SGK2: variants seen among roughly 807,000 people sequenced by gnomAD.
SGK2 encodes the protein serine/threonine-protein kinase Sgk2.
SGK2 carries 36 observed loss-of-function variants against 47.5 expected under a neutral mutation model. That is an observed-to-expected ratio of 0.76 (90% CI 0.58 to 1.00). SGK2 has a LOEUF of 1.00. Ranked by LOEUF, SGK2 falls within the 50% of genes least tolerant of loss-of-function variation. The pLI, the probability that SGK2 is intolerant of heterozygous loss-of-function variation, is 0.00. For missense variants in SGK2, 404 were observed against 467.4 expected (o/e 0.86, Z 1.25); for synonymous variants, 157 against 181.9 (o/e 0.86, Z 1.10).
chr20:43,566,365 G>A, intron 1 of SGK2, 108 bp from the exon 2 acceptor site: 4 of 1,613,986 alleles, frequency 2.5e-6, no homozygotes, highest in Non-Finnish European at 3.4e-6. Flanking sequence ...GGTGGCAGGT[G>A]CACAGGTAGG....
intron 11 of SGK2, among the ~76,000 whole-genome samples, chr20:43,579,671 T>G (rs1473851394): frequency 6.6e-6 from 1 of 152,158 alleles, no homozygotes; most frequent in Non-Finnish European, 1.5e-5. Context: ...CCAGAGCAGA[T>G]TCTGATGTAT....
In SGK2 at chr20:43,559,043, G is replaced by T. The variant is rs539288289; in HGVS notation, c.-140G>T. The T allele has an allele frequency of 6.6e-6, 1 of 152,342 alleles. No homozygotes were observed. Among genetic ancestry groups the T allele is most frequent in the African/African-American group, 2.4e-5 (1 of 41,444 alleles). 9.4% of individuals were successfully genotyped at this position (152,342 alleles called of 1,614,324 possible). A position where few individuals can be genotyped will look rare whatever the true frequency, so the allele number is the denominator to read the frequency against. On this transcript the variant is annotated 5_prime_UTR_variant, in exon 1 of 13. Transcript: ENST00000373100. ...TGACAGGTCATTCCTGACTGGGAAGGTTGCTTGACAAGTCAGGATTGTGCC... is the reference window on the plus strand; with the variant it reads ...TGACAGGTCATTCCTGACTGGGAAGTTTGCTTGACAAGTCAGGATTGTGCC...
chr20:43,567,178 G>C (rs1476261456), intron 3 of SGK2, 61 bp downstream of exon 3: 7 of 1,372,202 alleles, frequency 5.1e-6, no homozygotes, highest in Non-Finnish European at 7.3e-6. Flanking sequence ...GGCTCCCCTT[G>C]CCTTGGGAAT....
intron 10 of SGK2, 81 bp downstream of exon 10, chr20:43,575,085 C>T: frequency 1.1e-6 from 1 of 883,522 alleles, no homozygotes; most frequent in Non-Finnish European, 1.9e-6. Context: ...AAGCTCTGTC[C>T]AGGAAAATGA....
chr20:43,559,426 C>T (rs1203436192), intron 1 of SGK2, among the ~76,000 whole-genome samples: 1 of 152,212 alleles, frequency 6.6e-6, no homozygotes, highest in Admixed American at 6.5e-5. Flanking sequence ...CCTTTTCTAG[C>T]TTTCTATTGT....
intron 10 of SGK2, among the ~76,000 whole-genome samples, chr20:43,575,324 G>A (rs898615098): frequency 1.3e-5 from 2 of 151,852 alleles, no homozygotes; most frequent in Non-Finnish European, 2.9e-5. Flanking sequence ...TTAGCTGGGC[G>A]TGGTGGCGGG....
intron 12 of SGK2, among the ~76,000 whole-genome samples, chr20:43,584,134 G>A (rs1286249787): frequency 7.9e-5 from 12 of 152,114 alleles, no homozygotes; most frequent in Non-Finnish European, 2.9e-5. Context: ...GGCAGCCAGG[G>A]CAACTGAGTT....
At chr20:43,576,016 T>G (rs1232929548) in intron 10 of SGK2, among the ~76,000 whole-genome samples, 1 of 152,182 alleles carries the variant, frequency 6.6e-6, no homozygotes, top group Non-Finnish European at 1.5e-5. Context: ...GGCCTCACGC[T>G]GGTGGGAAGA....
At chr20:43,576,155 T>C in intron 10 of SGK2, 69 bp from the exon 11 acceptor site, 2 of 1,578,088 alleles carry the variant, frequency 1.3e-6, no homozygotes, top group Non-Finnish European at 1.7e-6. Flanking sequence ...CCCACCTTGC[T>C]CCAAGTCTCC....
At chr20:43,576,134 C>G (rs1312939812) in intron 10 of SGK2, 90 bp from the exon 11 acceptor site, 32 of 1,495,122 alleles carry the variant, frequency 2.1e-5, no homozygotes, top group Non-Finnish European at 2.9e-5. Context: ...CATACTGAAT[C>G]CTCCCAGCCG....
chr20:43,569,603 GA>G, intron 6 of SGK2, 87 bp downstream of exon 6: 1 of 1,485,124 alleles, frequency 6.7e-7, no homozygotes, highest in South Asian at 1.2e-5. Context: ...CCAAGTTCTG[GA>G]ATGATCTCAC....
At chr20:43,575,357 G>T (rs1390615736) in intron 10 of SGK2, among the ~76,000 whole-genome samples, 1 of 150,378 alleles carries the variant, frequency 6.6e-6, no homozygotes, top group Admixed American at 6.7e-5. Context: ...CAGTTATTCG[G>T]CAGGCTAAGG....
intron 2 of SGK2, 36 bp from the exon 3 acceptor site, chr20:43,567,032 T>C (rs1979774079): frequency 1.3e-6 from 2 of 1,583,454 alleles, no homozygotes; most frequent in Admixed American, 3.3e-5. Flanking sequence ...AGCCAAGGAG[T>C]AGGGATCTGC....
At chr20:43,582,218 C>T (rs541077213) in intron 12 of SGK2, among the ~76,000 whole-genome samples, 190 of 151,366 alleles carry the variant, frequency 1.3e-3, no homozygotes, top group Non-Finnish European at 1.9e-3. Flanking sequence ...TGCCACCACA[C>T]CTAGCTAATT....
At chr20:43,581,685 C>T (rs533877968) in intron 12 of SGK2, among the ~76,000 whole-genome samples, 3 of 152,286 alleles carry the variant, frequency 2.0e-5, no homozygotes, top group Non-Finnish European at 4.4e-5. Context: ...TGCGCCACCA[C>T]GCCTGGCTAA....
At chr20:43,576,128 C>A in intron 10 of SGK2, 96 bp from the exon 11 acceptor site, 1 of 1,455,644 alleles carries the variant, frequency 6.9e-7, no homozygotes, top group Non-Finnish European at 9.5e-7. Flanking sequence ...AGGGGTCATA[C>A]TGAATCCTCC....
intron 12 of SGK2, 90 bp downstream of exon 12, chr20:43,580,151 T>TG (rs1980702705): frequency 5.1e-6 from 4 of 789,392 alleles, no homozygotes; most frequent in Non-Finnish European, 8.2e-6. Context: ...ATGGAAAACT[T>TG]GGGGGTCCAA....
At position 43,580,621 on chromosome 20, in the gene SGK2, G is replaced by A. The variant is rs954981881; in HGVS notation, c.939+560G>A. Reference sequence around the variant, plus strand: ...TGCACACCTGTAATCCCTGCTACTCGGGAGGCTGAGGTGGGAGAATAGCTT... The same window carrying A: ...TGCACACCTGTAATCCCTGCTACTCAGGAGGCTGAGGTGGGAGAATAGCTT... On this transcript the variant is annotated intron_variant, in intron 12 of 12. Transcript: ENST00000373100. Among the ~76,000 whole-genome samples the A allele has an allele frequency of 9.3e-5, 14 of 151,220 alleles. No homozygotes were observed. The South Asian group carries it at 2.5e-3, about 27-fold the overall frequency.
In SGK2 at chr20:43,583,580, GC is replaced by G. The variant is rs1980928520; in HGVS notation, c.940-1271del. 10 of 985,378 alleles carry G rather than the reference GC, an allele frequency of 1.0e-5. No homozygotes were observed. In the South Asian group the frequency reaches 2.8e-4, roughly 28 times the overall value. 61.0% of individuals were successfully genotyped at this position (985,378 alleles called of 1,614,324 possible). A position where few individuals can be genotyped will look rare whatever the true frequency, so the allele number is the denominator to read the frequency against. On this transcript the variant is annotated intron_variant, in intron 12 of 12. Coordinates refer to ENST00000373100, the MANE Select transcript of SGK2 (RefSeq NM_170693.3). Reference sequence around the variant, plus strand: ...TGCAAGCCCTTCCCCTTCCTCACCTGCTTACTTCATAAAACCCAGGCCTCCT... The same window carrying G: ...TGCAAGCCCTTCCCCTTCCTCACCTGTTACTTCATAAAACCCAGGCCTCCT...
Sources: allele counts gnomAD v4.1 joint callset (sites outside exome capture counted in the v4.1 genomes callset), GRCh38; gene constraint gnomAD v4.1.1; transcripts MANE v1.5; gene names NCBI Gene and HGNC (gene_info 2026-07-23, HGNC 2026-07-21).